The following NINL variants were observed in gnomAD, a reference collection of about 807,000 sequenced individuals.
NINL encodes the protein ninein-like protein.
In NINL, 153 loss-of-function variants were observed where a neutral mutation model predicts 160.3. That is an observed-to-expected ratio of 0.95 (90% confidence interval 0.84 to 1.09). The LOEUF is 1.09. NINL is among the 50% of genes least tolerant of loss of function. NINL has a pLI of 0.00. For missense variants in NINL, 1,829 were observed against 1,764.0 expected (o/e 1.04, Z -0.66); for synonymous variants, 800 against 734.8 (o/e 1.09, Z -1.43).
rs752611980 is a variant in NINL at position 25,500,867 on chromosome 20, C to T, written c.1005G>A (p.Gly335=). 5.6e-6 allele frequency: 9 copies of T among 1,614,006 alleles called. No homozygotes were observed. Among genetic ancestry groups the T allele is most frequent in the South Asian group, 1.1e-5 (1 of 91,072 alleles). Residue 335 remains glycine, a synonymous_variant, in exon 8 of 24, where the codon GGG becomes GGA. Transcript: ENST00000278886. ...DQVLAMWTQE[G]IQNGREILQS... ...GCAAGATCTCCCTGCCATTCTGAATCCCCTCCTGGGTCCACATGGCCAGGA... is the reference window on the plus strand; with the variant it reads ...GCAAGATCTCCCTGCCATTCTGAATTCCCTCCTGGGTCCACATGGCCAGGA...
intron 13 of NINL, among the ~76,000 whole-genome samples, chr20:25,484,974 C>G (rs887579076): frequency 5.3e-5 from 8 of 152,206 alleles, no homozygotes; most frequent in African/African-American, 1.9e-4. Flanking sequence ...CAACATCACC[C>G]ATGTGCTGTG....
chr20:25,464,776 C>T (rs865897572), intron 19 of NINL, among the ~76,000 whole-genome samples: 13 of 152,330 alleles, frequency 8.5e-5, no homozygotes, highest in Middle Eastern at 3.4e-3. Flanking sequence ...CTGTTTCAGC[C>T]TCCTCAAATG....
intron 1 of NINL, among the ~76,000 whole-genome samples, chr20:25,577,627 G>A (rs1325928663): frequency 6.6e-6 from 1 of 152,148 alleles, no homozygotes; most frequent in Non-Finnish European, 1.5e-5. Flanking sequence ...TATATTGACT[G>A]ATGCTGGTTC....
intron 8 of NINL, 94 bp from the exon 9 acceptor site, chr20:25,498,440 C>A: frequency 6.6e-7 from 1 of 1,504,756 alleles, no homozygotes; most frequent in Non-Finnish European, 8.9e-7. Flanking sequence ...CCTAGCCCAG[C>A]ATGGCTGTCC....
At position 25,453,558 on chromosome 20, in the gene NINL, C is replaced by T. The variant is rs1393129871; in HGVS notation, c.4042G>A (p.Glu1348Lys). 6 of 1,614,170 alleles carry T rather than the reference C, an allele frequency of 3.7e-6. No individual in the cohort carries two copies. Among genetic ancestry groups the T allele is most frequent in the Admixed American group, 1.7e-5 (1 of 60,028 alleles). ...TTCTCGGCGCCTCGCTGCTTCTCCT[C>T]GGTGGCCTGAAGTGCTCTCACCAGG... ...AHLVRALQAT[E>K]EKQRGAEKQS... Residue 1348 changes from glutamate (E) to lysine (K), a missense_variant, in exon 24 of 24, where the codon GAG becomes AAG. Coordinates refer to ENST00000278886, the MANE Select transcript of NINL (RefSeq NM_025176.6).
intron 1 of NINL, among the ~76,000 whole-genome samples, chr20:25,555,101 G>A (rs1354364635): frequency 6.6e-6 from 1 of 152,184 alleles, no homozygotes; most frequent in Non-Finnish European, 1.5e-5. Context: ...GAGAAGGCCA[G>A]TTTCCTTCCA....
intron 1 of NINL, among the ~76,000 whole-genome samples, chr20:25,545,955 C>A (rs2064726416): frequency 6.7e-6 from 1 of 149,610 alleles, no homozygotes; most frequent in African/African-American, 2.4e-5. Flanking sequence ...CTGGTCTCCA[C>A]AACCCCTTTT....
intron 1 of NINL, among the ~76,000 whole-genome samples, chr20:25,564,940 C>T (rs534582302): frequency 1.3e-5 from 2 of 152,192 alleles, no homozygotes; most frequent in East Asian, 3.9e-4. Context: ...AAGCAAAAGC[C>T]GAGTAAGCCA....
intron 6 of NINL, among the ~76,000 whole-genome samples, 188 bp downstream of exon 6, chr20:25,504,700 A>G (rs1386438004): frequency 6.6e-6 from 1 of 152,254 alleles, no homozygotes; most frequent in African/African-American, 2.4e-5. Context: ...ACTCCATCAG[A>G]GACGGGCTTT....
rs572214745 is a variant in NINL at position 25,487,286 on chromosome 20, GT to G, written c.1677+1957del. 1.4e-3 allele frequency among the ~76,000 whole-genome samples: 206 copies of G among 152,152 alleles called. 1 individual carries two copies. Among genetic ancestry groups the G allele is most frequent in the African/African-American group, 4.7e-3 (194 of 41,510 alleles). ...AAGCAAGCTCTACTGATATCTTTAGGTTTTTTTCTCATTTTTGCTGGGTGGG... is the reference window on the plus strand; with the variant it reads ...AAGCAAGCTCTACTGATATCTTTAGGTTTTTTCTCATTTTTGCTGGGTGGG... On this transcript the variant is annotated intron_variant, in intron 13 of 23. Transcript: ENST00000278886.
intron 1 of NINL, among the ~76,000 whole-genome samples, chr20:25,582,255 A>AAAAC (rs371232744): frequency 1.5e-3 from 233 of 152,294 alleles, no homozygotes; most frequent in African/African-American, 5.0e-3. Flanking sequence ...CTCCATATCA[A>AAAAC]AAACAAACAA....
At chr20:25,498,182 C>T (rs760019204) in intron 9 of NINL, 28 bp downstream of exon 9, 25 of 1,609,998 alleles carry the variant, frequency 1.6e-5, no homozygotes, top group South Asian at 7.7e-5. Context: ...CACACTGCCA[C>T]GTTCCCCAGT....
chr20:25,496,837 C>T, intron 9 of NINL, 34 bp from the exon 10 acceptor site: 1 of 1,608,656 alleles, frequency 6.2e-7, no homozygotes, highest in Non-Finnish European at 8.5e-7. Flanking sequence ...CAGATGGGAC[C>T]CCACTGCTGG....
chr20:25,584,706 G>A (rs1254102433), intron 1 of NINL, among the ~76,000 whole-genome samples: 3 of 152,144 alleles, frequency 2.0e-5, no homozygotes, highest in Non-Finnish European at 4.4e-5. Flanking sequence ...GTCTCACAGA[G>A]CAGAAAGAAA....
chr20:25,502,044 C>T (rs764049187), intron 7 of NINL, among the ~76,000 whole-genome samples: 19 of 152,160 alleles, frequency 1.2e-4, no homozygotes, highest in Non-Finnish European at 2.2e-4. Context: ...TGCAGTGATG[C>T]GATCTCAGCT....
intron 15 of NINL, among the ~76,000 whole-genome samples, chr20:25,479,896 C>A (rs1030456466): frequency 6.6e-6 from 1 of 152,238 alleles, no homozygotes; most frequent in African/African-American, 2.4e-5. Context: ...CGCTGCGCTG[C>A]CTCAAGTATC....
chr20:25,461,444 G>T, intron 21 of NINL, 78 bp downstream of exon 21: 1 of 844,438 alleles, frequency 1.2e-6, no homozygotes, highest in Non-Finnish European at 1.9e-6. Context: ...AGGAGGCCTG[G>T]CAACACCGTT....
chr20:25,566,419 GA>G (rs757239754), intron 1 of NINL, among the ~76,000 whole-genome samples: 199 of 141,802 alleles, frequency 1.4e-3, no homozygotes, highest in Middle Eastern at 3.5e-3. Context: ...TTAAAGTCAA[GA>G]AAAAAAAAAA....
chr20:25,455,529 AC>A, intron 23 of NINL, 143 bp downstream of exon 23: 1 of 634,926 alleles, frequency 1.6e-6, no homozygotes, highest in Non-Finnish European at 2.8e-6. Context: ...ATGAATGTGC[AC>A]CTGCAGTGTA....
Sources: allele counts gnomAD v4.1 joint callset (sites outside exome capture counted in the v4.1 genomes callset), GRCh38; gene constraint gnomAD v4.1.1; transcripts MANE v1.5; gene names NCBI Gene and HGNC (gene_info 2026-07-23, HGNC 2026-07-21).